The following LMO7 variants were observed in gnomAD, a reference collection of about 807,000 sequenced individuals.
LMO7 encodes LIM domain only protein 7.
Under a neutral mutation model 206.5 loss-of-function variants are expected in LMO7, and 120 were observed. The ratio of observed to expected loss-of-function variants is 0.58; its 90% CI spans 0.50 to 0.68. The LOEUF (loss-of-function observed/expected upper bound fraction) is 0.68, where lower values mean the gene tolerates loss of function less well. LMO7 is among the 30% of genes least tolerant of loss of function. The pLI, the probability that LMO7 is intolerant of heterozygous loss-of-function variation, is 0.00. For synonymous variants in LMO7, 706 were observed against 681.5 expected, an observed-to-expected ratio of 1.04 and a Z score of -0.56; for missense variants, 1,959 against 1,957.9, an observed-to-expected ratio of 1.00 and a Z score of -0.01.
At chr13:75,645,596 T>C (rs2036936795) in intron 1 of LMO7, among the ~76,000 whole-genome samples, 1 of 152,222 alleles carries the variant, frequency 6.6e-6, no homozygotes, top group Non-Finnish European at 1.5e-5. Flanking sequence ...AATGTTTTAA[T>C]GTTTTTCATT....
rs886167288 is a variant in LMO7 at position 75,761,150 on chromosome 13, T to A, written c.317+112T>A. ...TGATTACAGAAAAATTCTTCTGTTC[T>A]CTCTGTTTTCCTCTGTTCTCATTCT... On this transcript the variant is annotated intron_variant, in intron 4 of 30. Transcript: ENST00000377534. 1.0e-5 allele frequency: 7 copies of A among 694,720 alleles called. No individual in the cohort carries two copies. The Admixed American group carries it at 1.8e-4, about 18-fold the overall frequency. The allele number at this position is 694,720 out of a possible 1,614,324, so 43.0% of individuals were successfully genotyped here.
At chr13:75,699,890 G>A (rs1312804351) in intron 1 of LMO7, among the ~76,000 whole-genome samples, 2 of 152,216 alleles carry the variant, frequency 1.3e-5, no homozygotes, top group East Asian at 1.9e-4. Context: ...GGAGACCAGG[G>A]CGTATTTTAT....
Position 75,705,189 on chromosome 13 carries a change from A to G in LMO7, c.70-7993A>G, listed in dbSNP as rs185705491. ...GCAGTCGCTTCCTAGCTTCTTTGCC[A>G]CAGGATGGCTGGAAGCACGAGCCTA... On this transcript the variant is annotated intron_variant, in intron 1 of 30. Transcript: ENST00000377534. Among the ~76,000 whole-genome samples the G allele has an allele frequency of 1.2e-3, 182 of 152,290 alleles. 1 individual carries two copies. The highest frequency in any genetic ancestry group is 4.3e-3 in the African/African-American group (178 of 41,544).
At chr13:75,621,687 A>C (rs1360730557) in exon 1 of LMO7, 4 of 1,563,302 alleles carry the variant, frequency 2.6e-6, no homozygotes, top group Non-Finnish European at 3.5e-6. Context: ...TTTTTATTAC[A>C]ACTGCTATGA....
intron 21 of LMO7, 30 bp from the exon 22 acceptor site, chr13:75,840,361 A>G (rs552124968): frequency 5.6e-6 from 9 of 1,612,414 alleles, no homozygotes; most frequent in Middle Eastern, 3.3e-4. Context: ...GTTGTTCTCT[A>G]TTTGCATCTC....
intron 1 of LMO7, among the ~76,000 whole-genome samples, chr13:75,647,951 C>CTTTCTTTTTT (rs1555286938): frequency 2.1e-3 from 191 of 91,050 alleles, no homozygotes; most frequent in South Asian, 3.6e-3. Context: ...TCTTTTCTTT[C>CTTTCTTTTTT]TTTTTTTTTT....
chr13:75,804,542 G>T lies in LMO7; in HGVS notation c.914+1G>T. On this transcript the variant is annotated splice_donor_variant, in intron 8 of 30. Transcript: ENST00000377534. LOFTEE classifies it high-confidence loss of function. Reference sequence around the variant, plus strand: ...CAGAAGCAGATGGAACATTTTCAAGGTACTGAGATGGGTGTGATTATTGAG... The same window carrying T: ...CAGAAGCAGATGGAACATTTTCAAGTTACTGAGATGGGTGTGATTATTGAG... 6.2e-7 allele frequency: 1 copy of T among 1,611,762 alleles called. No homozygotes were observed. Among genetic ancestry groups the T allele is most frequent in the Non-Finnish European group, 8.5e-7 (1 of 1,178,886 alleles).
At chr13:75,630,159 ATT>A (rs1045491276) in intron 2 of LMO7, among the ~76,000 whole-genome samples, 1 of 152,128 alleles carries the variant, frequency 6.6e-6, no homozygotes, top group Non-Finnish European at 1.5e-5. Context: ...GTTTTTTAAC[ATT>A]TGTGTTATTT....
At chr13:75,646,750 A>AT (rs1394052089) in intron 1 of LMO7, among the ~76,000 whole-genome samples, 1 of 151,686 alleles carries the variant, frequency 6.6e-6, no homozygotes, top group Non-Finnish European at 1.5e-5. Flanking sequence ...CACCCGGCTG[A>AT]TTTTTTGTAT....
chr13:75,854,219 A>G (rs972750926), intron 28 of LMO7, among the ~76,000 whole-genome samples: 1 of 152,208 alleles, frequency 6.6e-6, no homozygotes, highest in Non-Finnish European at 1.5e-5. Context: ...GAATACTTCA[A>G]AGTAGAAACA....
At chr13:75,631,498 A>G (rs1160843817), upstream of LMO7, 4 of 152,232 alleles carry the variant, frequency 2.6e-5, no homozygotes, top group Non-Finnish European at 5.9e-5. Context: ...TTGGAGGTAT[A>G]AGATATTAAC....
chr13:75,835,647 G>A (rs187197237), intron 18 of LMO7, among the ~76,000 whole-genome samples: 11 of 152,238 alleles, frequency 7.2e-5, no homozygotes, highest in Admixed American at 5.2e-4. Flanking sequence ...TGAGCATGAA[G>A]TAGCAATTAC....
intron 4 of LMO7, among the ~76,000 whole-genome samples, chr13:75,789,664 A>G (rs574393661): frequency 6.6e-6 from 1 of 152,260 alleles, no homozygotes; most frequent in Admixed American, 6.5e-5. Flanking sequence ...GTCTGGGCCC[A>G]CACGCAGACT....
At chr13:75,680,610 T>C (rs2040397771) in intron 1 of LMO7, among the ~76,000 whole-genome samples, 1 of 151,944 alleles carries the variant, frequency 6.6e-6, no homozygotes, top group African/African-American at 2.4e-5. Context: ...CTGGGGTCCA[T>C]GTGCAGAACG....
chr13:75,685,890 C>CTTTTTTTTTTTT (rs551370410), intron 1 of LMO7, among the ~76,000 whole-genome samples: 19 of 105,970 alleles, frequency 1.8e-4, no homozygotes, highest in African/African-American at 2.1e-4. Flanking sequence ...TTTTCTTTCT[C>CTTTTTTTTTTTT]TTTTTTTTTT....
intron 24 of LMO7, among the ~76,000 whole-genome samples, chr13:75,842,326 C>T (rs1209647643): frequency 6.6e-6 from 1 of 152,056 alleles, no homozygotes; most frequent in Admixed American, 6.5e-5. Flanking sequence ...TACCCAAGGA[C>T]TTTTGTATTT....
intron 4 of LMO7, among the ~76,000 whole-genome samples, chr13:75,767,473 G>A (rs116837072): frequency 2.6e-5 from 4 of 151,938 alleles, no homozygotes; most frequent in East Asian, 3.9e-4. Flanking sequence ...GAAATTTTAC[G>A]AACAAGTTTA....
At chr13:75,767,015 T>C (rs2048992427) in intron 4 of LMO7, among the ~76,000 whole-genome samples, 1 of 152,116 alleles carries the variant, frequency 6.6e-6, no homozygotes, top group East Asian at 1.9e-4. Context: ...CTTTTACTTA[T>C]ACCAGAATAA....
intron 15 of LMO7, among the ~76,000 whole-genome samples, chr13:75,829,159 C>A (rs1020889757): frequency 6.6e-6 from 1 of 151,654 alleles, no homozygotes; most frequent in African/African-American, 2.4e-5. Context: ...GACTAAGGAA[C>A]AAACAACACA....
Sources: allele counts gnomAD v4.1 joint callset (sites outside exome capture counted in the v4.1 genomes callset), GRCh38; gene constraint gnomAD v4.1.1; transcripts MANE v1.5; gene names NCBI Gene and HGNC (gene_info 2026-07-23, HGNC 2026-07-21).